The following ERC2 variants were observed in gnomAD, a reference collection of about 807,000 sequenced individuals.
ERC2 encodes the protein ERC protein 2.
Under a neutral mutation model 114.8 loss-of-function variants are expected in ERC2, and 42 were observed. The ratio of observed to expected loss-of-function variants is 0.37; its 90% CI spans 0.29 to 0.47. ERC2 has a LOEUF of 0.47. ERC2 is among the 20% of genes least tolerant of loss of function. The pLI is 0.99. For missense variants in ERC2, 939 were observed against 1,150.7 expected (o/e 0.82, Z 2.66); for synonymous variants, 454 against 425.5 (o/e 1.07, Z -0.82).
chr3:56,325,834 T>C (rs1338705482), intron 2 of ERC2, among the ~76,000 whole-genome samples: 1 of 152,162 alleles, frequency 6.6e-6, no homozygotes, highest in Non-Finnish European at 1.5e-5. Context: ...AAGAGAAAAG[T>C]CACTTGCTCA....
At chr3:56,368,142 C>T (rs182147816) in intron 2 of ERC2, among the ~76,000 whole-genome samples, 119 of 150,376 alleles carry the variant, frequency 7.9e-4, no homozygotes, top group East Asian at 1.2e-3. Context: ...TGCACATGTA[C>T]CCCTTGAATC....
At chr3:55,975,191 A>T (rs1432836662) in intron 12 of ERC2, among the ~76,000 whole-genome samples, 3 of 102,324 alleles carry the variant, frequency 2.9e-5, no homozygotes, top group Non-Finnish European at 3.6e-5. Flanking sequence ...GAGTTGCTAT[A>T]AAAAAAAAAA....
In ERC2 at chr3:55,663,428, G is replaced by A. The variant is rs2061224453; in HGVS notation, c.*39+20366C>T. 2.0e-5 allele frequency among the ~76,000 whole-genome samples: 3 copies of A among 152,318 alleles called. No individual in the cohort carries two copies. In the South Asian group the frequency reaches 6.2e-4, roughly 32 times the overall value. On this transcript the variant is annotated intron_variant, in intron 17 of 17. Transcript: ENST00000288221. ...AGCTCCCTTTCAGTGCCAACTTTCT[G>A]GCAATCTGTAAGTGGCCACTCTGGT...
At chr3:55,819,734 C>T (rs1365257803) in intron 14 of ERC2, among the ~76,000 whole-genome samples, 3 of 152,154 alleles carry the variant, frequency 2.0e-5, no homozygotes, top group South Asian at 2.1e-4. Context: ...AGACAAGTGC[C>T]GCTTTGGAAT....
Position 56,398,456 on chromosome 3 carries a change from G to A in ERC2, c.657+35895C>T, listed in dbSNP as rs984833157. 4.6e-5 allele frequency among the ~76,000 whole-genome samples: 7 copies of A among 152,074 alleles called. No homozygotes were observed. The East Asian group carries it at 9.6e-4, about 21-fold the overall frequency. ...AAACAACAAATAATTTTTAATGTAAGTATGTCACAGGTAACATTTGAGACA... is the reference window on the plus strand; with the variant it reads ...AAACAACAAATAATTTTTAATGTAAATATGTCACAGGTAACATTTGAGACA... On this transcript the variant is annotated intron_variant, in intron 2 of 17. Coordinates refer to ENST00000288221, the MANE Select transcript of ERC2 (RefSeq NM_015576.3).
intron 13 of ERC2, among the ~76,000 whole-genome samples, chr3:55,948,042 C>T (rs151004896): frequency 2.3e-4 from 35 of 152,242 alleles, no homozygotes; most frequent in Admixed American, 9.2e-4. Flanking sequence ...ACTGAGGTGA[C>T]GCAGGTTTTG....
intron 15 of ERC2, among the ~76,000 whole-genome samples, chr3:55,709,816 C>T (rs1423541342): frequency 6.6e-6 from 1 of 152,086 alleles, no homozygotes; most frequent in Admixed American, 6.6e-5. Context: ...GTTTTGACTC[C>T]AGGAGGTGTG....
chr3:55,795,936 G>T (rs760521844), intron 14 of ERC2, among the ~76,000 whole-genome samples: 1 of 152,208 alleles, frequency 6.6e-6, no homozygotes, highest in Non-Finnish European at 1.5e-5. Context: ...AGCACACAGG[G>T]TTCTACCTCA....
At chr3:56,447,963 G>A (rs1008693486) in intron 1 of ERC2, among the ~76,000 whole-genome samples, 5 of 151,974 alleles carry the variant, frequency 3.3e-5, no homozygotes, top group African/African-American at 7.3e-5. Flanking sequence ...GGCTGGTCTC[G>A]AACTCCTGAC....
intron 6 of ERC2, among the ~76,000 whole-genome samples, chr3:56,095,110 T>C (rs1026907832): frequency 6.6e-6 from 1 of 152,050 alleles, no homozygotes; most frequent in Non-Finnish European, 1.5e-5. Flanking sequence ...AAAAAATTGT[T>C]TGGGCATGGT....
rs2057422581 is a variant in ERC2 at position 55,583,544 on chromosome 3, T to TTCCTTCCTTC, written c.*40-72269_*40-72268insGAAGGAAGGA. Among the ~76,000 whole-genome samples, 20 of 39,048 alleles carry TTCCTTCCTTC rather than the reference T, an allele frequency of 5.1e-4. 3 individuals are homozygous for TTCCTTCCTTC. The highest frequency in any genetic ancestry group is 2.8e-3 in the South Asian group (2 of 720). The allele number at this position is 39,048 out of a possible 152,430, so 25.6% of individuals were successfully genotyped here. A position where few individuals can be genotyped will look rare whatever the true frequency, so the allele number is the denominator to read the frequency against. ...CCCTCCCTTCCTTCCTTCCTTCCTT[T>TTCCTTCCTTC]CTTCCTTCCTTCCTTCCTTCCTTCC... is the stretch of plus-strand genomic sequence containing the variant. On this transcript the variant is annotated intron_variant, in intron 17 of 17. Coordinates refer to ENST00000288221, the MANE Select transcript of ERC2 (RefSeq NM_015576.3).
intron 17 of ERC2, among the ~76,000 whole-genome samples, chr3:55,604,448 T>C (rs940756610): frequency 1.3e-5 from 2 of 152,212 alleles, no homozygotes; most frequent in Non-Finnish European, 2.9e-5. Flanking sequence ...GTCTCTTATT[T>C]AACCTTTACA....
intron 17 of ERC2, among the ~76,000 whole-genome samples, chr3:55,571,856 AG>A (rs1297314113): frequency 3.9e-5 from 6 of 152,222 alleles, no homozygotes; most frequent in African/African-American, 1.4e-4. Context: ...TAATACCTGC[AG>A]GGGGTACTGA....
rs377003517 is a variant in ERC2, at chr3:55,984,309, A to G, written c.2267+1668T>C. ...GAAATAGGAAAAAAAAAACAAAAAA[A>G]CTACCACACAATAAGTTCCTAGAGC... On this transcript the variant is annotated intron_variant, in intron 12 of 17. Transcript: ENST00000288221. 4.6e-5 allele frequency among the ~76,000 whole-genome samples: 7 copies of G among 152,250 alleles called. No homozygotes were observed. The East Asian group carries it at 9.7e-4, about 21-fold the overall frequency.
chr3:55,890,310 A>G (rs1004685479), intron 13 of ERC2, among the ~76,000 whole-genome samples: 1 of 152,182 alleles, frequency 6.6e-6, no homozygotes, highest in African/African-American at 2.4e-5. Context: ...ATCATTCCAT[A>G]TGCCAATTCA....
At chr3:56,116,139 A>C (rs1241649388) in intron 6 of ERC2, among the ~76,000 whole-genome samples, 1 of 152,170 alleles carries the variant, frequency 6.6e-6, no homozygotes, top group Non-Finnish European at 1.5e-5. Flanking sequence ...GGAAGTGGTA[A>C]TGAACTATCT....
chr3:56,370,190 A>G (rs2059309437), intron 2 of ERC2, among the ~76,000 whole-genome samples: 1 of 152,218 alleles, frequency 6.6e-6, no homozygotes, highest in Non-Finnish European at 1.5e-5. Context: ...TATGCAAACA[A>G]TCAGAGCAGT....
intron 6 of ERC2, among the ~76,000 whole-genome samples, chr3:56,111,365 ATCTCTCCCTC>A (rs949086734): frequency 3.4e-5 from 4 of 116,620 alleles, no homozygotes; most frequent in Non-Finnish European, 7.4e-5. Flanking sequence ...CTCTCCCTCA[ATCTCTCCCTC>A]TCTCTCCCTC....
intron 6 of ERC2, among the ~76,000 whole-genome samples, chr3:56,095,306 G>A (rs1355297117): frequency 3.3e-5 from 5 of 151,984 alleles, no homozygotes; most frequent in Admixed American, 6.6e-5. Context: ...TTTATTCATA[G>A]GGTATAGGAG....
Sources: allele counts gnomAD v4.1 joint callset (sites outside exome capture counted in the v4.1 genomes callset), GRCh38; gene constraint gnomAD v4.1.1; transcripts MANE v1.5; gene names NCBI Gene and HGNC (gene_info 2026-07-23, HGNC 2026-07-21).